STK32B: variants seen among roughly 807,000 people sequenced by gnomAD.
STK32B encodes serine/threonine-protein kinase 32B.
Under a neutral mutation model 52.6 loss-of-function variants are expected in STK32B, and 43 were observed. The observed-to-expected ratio is 0.82, with a 90% confidence interval of 0.64 to 1.05. The LOEUF is 1.05. Ranked by LOEUF, STK32B falls within the 50% of genes least tolerant of loss-of-function variation. STK32B has a pLI of 0.00. For missense variants in STK32B, 621 were observed against 534.6 expected (o/e 1.16, Z -1.59); for synonymous variants, 238 against 204.3 (o/e 1.17, Z -1.41).
At position 5,264,798 on chromosome 4, in the gene STK32B, A is replaced by G. The variant is rs559127754; in HGVS notation, c.261-66422A>G. Among the ~76,000 whole-genome samples, 475 of 152,324 alleles carry G rather than the reference A, an allele frequency of 3.1e-3. 4 individuals carry two copies. Among genetic ancestry groups the G allele is most frequent in the African/African-American group, 0.011 (443 of 41,574 alleles). On this transcript the variant is annotated intron_variant, in intron 3 of 11. Coordinates refer to ENST00000282908, the MANE Select transcript of STK32B (RefSeq NM_018401.3). The stretch of plus-strand genomic sequence containing the variant: ...CGAGACTCCATCTCAAACAAAAAAA[A>G]AAATTGTTGTGTTATACAAGTCCTT...
chr4:5,443,407 G>T (rs575262069), intron 6 of STK32B, among the ~76,000 whole-genome samples: 1 of 152,034 alleles, frequency 6.6e-6, no homozygotes, highest in African/African-American at 2.4e-5. Context: ...GGCTCCTGAG[G>T]CTTCTGCATT....
intron 1 of STK32B, among the ~76,000 whole-genome samples, chr4:5,128,681 C>T (rs949807637): frequency 2.0e-5 from 3 of 152,200 alleles, no homozygotes; most frequent in Admixed American, 6.5e-5. Flanking sequence ...GTGCCTCAGG[C>T]ACATGGGGAG....
intron 2 of STK32B, among the ~76,000 whole-genome samples, chr4:5,143,282 G>A (rs1166499523): frequency 6.6e-6 from 1 of 152,212 alleles, no homozygotes; most frequent in Admixed American, 6.5e-5. Flanking sequence ...AAAGAGAAAA[G>A]AGTTCACATG....
At chr4:5,320,015 T>C (rs959644399) in intron 3 of STK32B, among the ~76,000 whole-genome samples, 5 of 152,196 alleles carry the variant, frequency 3.3e-5, no homozygotes, top group Non-Finnish European at 5.9e-5. Context: ...TTGGCAGATT[T>C]CTAGCCTTTG....
At chr4:5,159,655 ATATATATGAATG>A (rs1274723920) in intron 2 of STK32B, among the ~76,000 whole-genome samples, 2,976 of 88,718 alleles carry the variant, frequency 0.034, 570 homozygotes, top group African/African-American at 0.12. Context: ...GTATATGAAT[ATATATATGAATG>A]TATATGAATA....
At chr4:5,345,502 A>T (rs559874928) in intron 4 of STK32B, 1 of 152,348 alleles carries the variant, frequency 6.6e-6, no homozygotes, top group Admixed American at 6.5e-5. Flanking sequence ...AAAATTGTTT[A>T]TGAGACATTA....
Position 5,358,189 on chromosome 4 carries a change from G to A in STK32B, c.434+26796G>A, listed in dbSNP as rs1734303519. Reference sequence around the variant, plus strand: ...AGGTATAAATTGCACCCGCAATTGGGTGGAGAGTGTTTATGTTAGATAATA... The same window carrying A: ...AGGTATAAATTGCACCCGCAATTGGATGGAGAGTGTTTATGTTAGATAATA... On this transcript the variant is annotated intron_variant, in intron 4 of 11. Transcript: ENST00000282908. 2.0e-5 allele frequency among the ~76,000 whole-genome samples: 3 copies of A among 152,336 alleles called. No individual in the cohort carries two copies. In the South Asian group the frequency reaches 6.2e-4, roughly 32 times the overall value.
intron 3 of STK32B, among the ~76,000 whole-genome samples, chr4:5,304,002 A>C (rs752834001): frequency 6.6e-6 from 1 of 152,020 alleles, no homozygotes; most frequent in Non-Finnish European, 1.5e-5. Flanking sequence ...ATTTAGCTTT[A>C]TTTTTGAGTT....
chr4:5,170,426 A>C (rs997743193), intron 3 of STK32B, among the ~76,000 whole-genome samples: 1 of 152,156 alleles, frequency 6.6e-6, no homozygotes, highest in Non-Finnish European at 1.5e-5. Context: ...GTCATTTAAC[A>C]TTAGGTATAT....
chr4:5,173,251 C>T (rs1417675452), intron 3 of STK32B, among the ~76,000 whole-genome samples: 1 of 152,134 alleles, frequency 6.6e-6, no homozygotes, highest in Non-Finnish European at 1.5e-5. Flanking sequence ...TTTCAAAAAA[C>T]CAGCTCCTGG....
Position 5,456,857 on chromosome 4 carries a change from G to T in STK32B, c.717G>T (p.Met239Ile). Residue 239 changes from methionine (M) to isoleucine (I), a missense_variant, in exon 8 of 12, where the codon ATG becomes ATT. Met to Ile is a conservative substitution (Grantham distance 10, BLOSUM62 1). Transcript: ENST00000282908. ...SVTPIDEILN[M>I]FKVERVHYSS... is the part of the protein sequence containing the mutation. ...CGCCCATCGATGAAATCCTCAACAT[G>T]TTCAAGGTGGAGCGTGTCCACTACT... The T allele has an allele frequency of 6.2e-7, 1 of 1,600,298 alleles. No individual in the cohort carries two copies. The highest frequency in any genetic ancestry group is 8.5e-7 in the Non-Finnish European group (1 of 1,172,144).
chr4:5,454,866 A>G (rs907715332), intron 7 of STK32B, among the ~76,000 whole-genome samples: 1 of 152,204 alleles, frequency 6.6e-6, no homozygotes, highest in Non-Finnish European at 1.5e-5. Flanking sequence ...CACACACGCA[A>G]TGATGGGCAG....
chr4:5,495,772 G>C (rs1237641932), intron 11 of STK32B, among the ~76,000 whole-genome samples: 2 of 152,168 alleles, frequency 1.3e-5, no homozygotes, highest in African/African-American at 2.4e-5. Context: ...TGTCCTTTCT[G>C]TTTGTTAGTT....
chr4:5,401,352 T>C (rs768530336), intron 5 of STK32B, among the ~76,000 whole-genome samples: 14 of 152,222 alleles, frequency 9.2e-5, no homozygotes, highest in Non-Finnish European at 1.5e-4. Context: ...ATTGGTTGCA[T>C]TGAATACTTT....
chr4:5,282,804 G>T (rs1241080197), intron 3 of STK32B, among the ~76,000 whole-genome samples: 2 of 152,116 alleles, frequency 1.3e-5, no homozygotes, highest in Admixed American at 6.5e-5. Context: ...GACAGAGCAG[G>T]ATAGTATGAG....
chr4:5,085,464 G>A (rs887928112), intron 1 of STK32B, among the ~76,000 whole-genome samples: 1 of 152,184 alleles, frequency 6.6e-6, no homozygotes, highest in African/African-American at 2.4e-5. Context: ...ATGGGATGCT[G>A]TAATGGTTAC....
At chr4:5,031,652 T>C in the STK32B span, among the ~76,000 whole-genome samples, 1 of 152,182 alleles carries the variant, frequency 6.6e-6, no homozygotes, top group East Asian at 1.9e-4. Context: ...GATTCATTGC[T>C]TTTAAGGGGC....
At chr4:5,284,833 A>T (rs1353459817) in intron 3 of STK32B, among the ~76,000 whole-genome samples, 2 of 152,174 alleles carry the variant, frequency 1.3e-5, no homozygotes, top group Non-Finnish European at 2.9e-5. Context: ...TGTATTTTTC[A>T]TCATGTTTAG....
chr4:5,492,784 A>T (rs1393706524), intron 11 of STK32B, among the ~76,000 whole-genome samples: 2 of 151,342 alleles, frequency 1.3e-5, no homozygotes, highest in African/African-American at 4.9e-5. Flanking sequence ...TTTTAGCATG[A>T]AGGGTTGTTG....
Sources: gnomAD v4.1 joint callset for allele counts (sites outside exome capture counted in the v4.1 genomes callset) on GRCh38, gnomAD v4.1.1 for gene constraint, MANE v1.5 for transcripts, NCBI Gene and HGNC (gene_info 2026-07-23, HGNC 2026-07-21) for gene names.